TRPM6: variants seen among roughly 807,000 people sequenced by gnomAD.
TRPM6 encodes the protein channel kinase 2.
Under a neutral mutation model 247.6 loss-of-function variants are expected in TRPM6, and 111 were observed. The observed-to-expected ratio is 0.45, with a 90% confidence interval of 0.38 to 0.52. The LOEUF is 0.52. Ranked by LOEUF, TRPM6 falls within the 20% of genes least tolerant of loss-of-function variation. The pLI is 0.00. For synonymous variants in TRPM6, 892 were observed against 853.8 expected (o/e 1.04, Z -0.78); for missense variants, 2,126 against 2,421.5 (o/e 0.88, Z 2.56).
chr9:74,814,373 C>T (rs1356182616), intron 11 of TRPM6, among the ~76,000 whole-genome samples: 1 of 151,502 alleles, frequency 6.6e-6, no homozygotes, highest in Non-Finnish European at 1.5e-5. Flanking sequence ...TGAATAAGAT[C>T]TAGTATTTGA....
chr9:74,841,330 C>T (rs887445728), intron 4 of TRPM6, among the ~76,000 whole-genome samples: 13 of 152,064 alleles, frequency 8.5e-5, no homozygotes, highest in Admixed American at 3.9e-4. Context: ...CAAACTTACA[C>T]GAACCAACAG....
At chr9:74,785,462 C>A (rs1380899589) in intron 21 of TRPM6, among the ~76,000 whole-genome samples, 1 of 152,174 alleles carries the variant, frequency 6.6e-6, no homozygotes, top group Non-Finnish European at 1.5e-5. Flanking sequence ...ATGCCTATAT[C>A]AAAATATTCC....
intron 17 of TRPM6, among the ~76,000 whole-genome samples, chr9:74,798,162 G>T (rs1407686845): frequency 6.6e-6 from 1 of 151,964 alleles, no homozygotes; most frequent in African/African-American, 2.4e-5. Flanking sequence ...CTAAAAGTAG[G>T]CCTTAGTATT....
chr9:74,799,543 C>CACAAAT (rs1462543058), intron 17 of TRPM6, among the ~76,000 whole-genome samples: 29 of 116,392 alleles, frequency 2.5e-4, no homozygotes, highest in African/African-American at 1.3e-3. Flanking sequence ...AAAAAACACA[C>CACAAAT]ACACATACAC....
At chr9:74,810,508 A>G (rs1055007834) in intron 13 of TRPM6, among the ~76,000 whole-genome samples, 2 of 152,212 alleles carry the variant, frequency 1.3e-5, no homozygotes, top group African/African-American at 4.8e-5. Flanking sequence ...TCATCATCAT[A>G]GGCACCACCA....
intron 11 of TRPM6, among the ~76,000 whole-genome samples, chr9:74,812,663 G>A (rs774174461): frequency 1.3e-5 from 2 of 152,068 alleles, no homozygotes; most frequent in African/African-American, 2.4e-5. Context: ...GCTGAGGCAG[G>A]TGGATTGCTT....
intron 37 of TRPM6, among the ~76,000 whole-genome samples, chr9:74,729,880 C>A (rs573345348): frequency 2.4e-4 from 36 of 152,120 alleles, no homozygotes; most frequent in Non-Finnish European, 4.7e-4. Flanking sequence ...CATAAAAACC[C>A]CCAACTTAGA....
At chr9:74,827,524 A>G (rs1829380669) in intron 7 of TRPM6, among the ~76,000 whole-genome samples, 2 of 151,838 alleles carry the variant, frequency 1.3e-5, no homozygotes, top group Admixed American at 6.6e-5. Flanking sequence ...ATGACAGTTG[A>G]GAGAGAGGAA....
At chr9:74,832,461 G>GT (rs1194508797) in intron 6 of TRPM6, among the ~76,000 whole-genome samples, 1 of 152,132 alleles carries the variant, frequency 6.6e-6, no homozygotes, top group African/African-American at 2.4e-5. Context: ...AGACTGGATA[G>GT]TCAGTGATAC....
Position 74,819,020 on chromosome 9 carries a change from T to A in TRPM6, c.1134+1284A>T, listed in dbSNP as rs575622695. On this transcript the variant is annotated intron_variant, in intron 9 of 38. Transcript: ENST00000360774. The stretch of plus-strand genomic sequence containing the variant: ...CATCTGAGTCATTGATATGAATTGA[T>A]AATTCAGCCGGGCACAGTGGCTTAT... Among the ~76,000 whole-genome samples the A allele has an allele frequency of 3.2e-4, 49 of 152,240 alleles. 1 individual carries two copies. Among genetic ancestry groups the A allele is most frequent in the African/African-American group, 1.2e-3 (48 of 41,560 alleles).
chr9:74,752,471 C>A (rs973942267), intron 28 of TRPM6, 103 bp from the exon 29 acceptor site: 25 of 700,042 alleles, frequency 3.6e-5, no homozygotes, highest in Non-Finnish European at 5.6e-5. Flanking sequence ...TTCATTTAAA[C>A]TTGGATATAG....
intron 35 of TRPM6, among the ~76,000 whole-genome samples, 178 bp from the exon 36 acceptor site, chr9:74,738,790 A>G (rs561630508): frequency 1.3e-5 from 2 of 152,252 alleles, no homozygotes; most frequent in African/African-American, 2.4e-5. Context: ...TTTTCTTTCC[A>G]TGCTTACCCA....
rs201219309 is a variant in TRPM6, at chr9:74,863,590, CT to C, written c.34-4843del. Among the ~76,000 whole-genome samples, 1,506 of 150,974 alleles carry C rather than the reference CT, an allele frequency of 1.0e-2. 23 individuals are homozygous for C. The highest frequency in any genetic ancestry group is 0.035 in the African/African-American group (1,423 of 41,194). The stretch of plus-strand genomic sequence containing the variant: ...TGTTCCTTAATCTTCAAAAAAGTGA[CT>C]TTTTTTTTGAGACGGAGTCTCGCTC... On this transcript the variant is annotated intron_variant, in intron 1 of 38. Coordinates refer to ENST00000360774, the MANE Select transcript of TRPM6 (RefSeq NM_017662.5).
At chr9:74,811,722 A>T (rs1048639245) in intron 12 of TRPM6, among the ~76,000 whole-genome samples, 66 of 152,368 alleles carry the variant, frequency 4.3e-4, no homozygotes, top group African/African-American at 1.6e-3. Flanking sequence ...TTGTACAAGA[A>T]TATTCAAGGA....
rs76818943 is a variant in TRPM6, at chr9:74,750,017, T to C, written c.5057+647A>G. 7.8e-3 allele frequency among the ~76,000 whole-genome samples: 1,186 copies of C among 152,310 alleles called. 11 individuals carry two copies. The highest frequency in any genetic ancestry group is 0.027 in the African/African-American group (1,136 of 41,576). On this transcript the variant is annotated intron_variant, in intron 30 of 38. Transcript: ENST00000360774. ...AGGAAAGTCCAGAAAATACTACAAA[T>C]AAAATAGAATTATCTTTGCTTGGTT...
rs1826210744 is a variant in TRPM6, at chr9:74,750,587, A to C, written c.5057+77T>G. The C allele has an allele frequency of 2.4e-5, 31 of 1,266,520 alleles. No homozygotes were observed. The South Asian group carries it at 3.5e-4, about 14-fold the overall frequency. The allele number at this position is 1,266,520 out of a possible 1,614,324, so 78.5% of individuals were successfully genotyped here. A position where few individuals can be genotyped will look rare whatever the true frequency, so the allele number is the denominator to read the frequency against. On this transcript the variant is annotated intron_variant, in intron 30 of 38. Coordinates refer to ENST00000360774, the MANE Select transcript of TRPM6 (RefSeq NM_017662.5). ...TTCTTTTCTCTCCCTTTCTGACTAA[A>C]TTAAACCTTTGCTCCTAACCAAGTT...
intron 3 of TRPM6, among the ~76,000 whole-genome samples, chr9:74,845,662 C>G (rs1354402877): frequency 6.6e-6 from 1 of 152,072 alleles, no homozygotes; most frequent in Non-Finnish European, 1.5e-5. Context: ...AAAACCCTGT[C>G]TCTACAAAAA....
rs144291419 is a variant in TRPM6 at position 74,762,356 on chromosome 9, G to A, written c.4315C>T (p.Pro1439Ser). ...CTPEPMTMSS[P>S]LSQAKIMQTG... is the part of the protein sequence containing the mutation. ...TGCATGATCTTGGCTTGGGAAAGAG[G>A]GGAGCTCATTGTCATGGGTTCAGGT... is the stretch of plus-strand genomic sequence containing the variant. Residue 1439 changes from proline to serine, a missense_variant, in exon 26 of 39, where the codon CCT becomes TCT. Physicochemically the swap from Pro to Ser is moderately conservative, Grantham distance 74. This residue lies in a region of TRPM6 where 717 missense variants were observed against 715.9 expected (regional missense o/e 1.00). Transcript: ENST00000360774. The A allele has an allele frequency of 1.9e-6, 3 of 1,614,194 alleles. No individual in the cohort carries two copies. Among genetic ancestry groups the A allele is most frequent in the Non-Finnish European group, 2.5e-6 (3 of 1,180,034 alleles).
chr9:74,733,564 T>C (rs1456276486), intron 36 of TRPM6, among the ~76,000 whole-genome samples: 1 of 152,246 alleles, frequency 6.6e-6, no homozygotes, highest in East Asian at 1.9e-4. Flanking sequence ...TCGTTTTACA[T>C]TTTATCCTCA....
Sources: gnomAD v4.1 joint callset for allele counts (sites outside exome capture counted in the v4.1 genomes callset) on GRCh38, gnomAD v4.1.1 for gene constraint, gnomAD v4.1.1 regional missense constraint, MANE v1.5 for transcripts, NCBI Gene and HGNC (gene_info 2026-07-23, HGNC 2026-07-21) for gene names.